CCDC180: variants seen among roughly 807,000 people sequenced by gnomAD.
CCDC180 encodes the protein coiled-coil domain containing 180.
CCDC180 carries 154 observed loss-of-function variants against 209.2 expected under a neutral mutation model. The ratio of observed to expected loss-of-function variants is 0.74; its 90% confidence interval spans 0.65 to 0.84. The LOEUF is 0.84. Ranked by LOEUF, CCDC180 falls within the 40% of genes least tolerant of loss-of-function variation. The pLI, the probability that CCDC180 is intolerant of heterozygous loss-of-function variation, is 0.00. For synonymous variants in CCDC180, 778 were observed against 749.1 expected (o/e 1.04, Z -0.63); for missense variants, 1,874 against 1,997.3 (o/e 0.94, Z 1.18).
At chr9:97,353,786 A>T (rs1468719804) in intron 22 of CCDC180, among the ~76,000 whole-genome samples, 1 of 152,102 alleles carries the variant, frequency 6.6e-6, no homozygotes, top group Non-Finnish European at 1.5e-5. Flanking sequence ...TTGCCCTTGG[A>T]TCTAGACAGG....
chr9:97,365,048 C>T (rs10759643), intron 29 of CCDC180: 45,062 of 151,932 alleles, frequency 0.3, 7,345 homozygotes, highest in African/African-American at 0.42. Flanking sequence ...AGACCCCAGG[C>T]GGTTCAGGGA....
intron 8 of CCDC180, among the ~76,000 whole-genome samples, chr9:97,316,667 A>G (rs564752968): frequency 9.8e-5 from 15 of 152,330 alleles, no homozygotes; most frequent in African/African-American, 2.6e-4. Context: ...CGGTTCTCCT[A>G]ACAACCATAT....
At chr9:97,321,137 G>GT in intron 11 of CCDC180, among the ~76,000 whole-genome samples, 1 of 152,272 alleles carries the variant, frequency 6.6e-6, no homozygotes, top group Admixed American at 6.5e-5. Context: ...GCTAATGTAT[G>GT]TTTTCTGAGC....
intron 18 of CCDC180, 88 bp from the exon 19 acceptor site, chr9:97,343,252 A>G (rs1203354973): frequency 2.3e-6 from 2 of 875,176 alleles, no homozygotes; most frequent in Non-Finnish European, 3.5e-6. Flanking sequence ...AATTTGGTTT[A>G]CAACCTCTGA....
chr9:97,361,065 A>G (rs1302575384), intron 26 of CCDC180, among the ~76,000 whole-genome samples: 1 of 152,184 alleles, frequency 6.6e-6, no homozygotes, highest in Non-Finnish European at 1.5e-5. Flanking sequence ...GCGTGAAGGT[A>G]TTGAGTGACT....
At chr9:97,322,280 A>G (rs951430747) in intron 11 of CCDC180, among the ~76,000 whole-genome samples, 4 of 152,118 alleles carry the variant, frequency 2.6e-5, no homozygotes, top group African/African-American at 7.2e-5. Context: ...CCAGCCCTGG[A>G]CAAAGAACAA....
chr9:97,350,479 C>T lies in CCDC180; in HGVS notation c.2926C>T (p.Arg976Cys), dbSNP rs1379819029. Residue 976 changes from arginine to cysteine, a missense_variant, in exon 22 of 37, where the codon CGC (arginine) becomes TGC (cysteine). Arg to Cys is a radical substitution (Grantham distance 180, BLOSUM62 -3). Transcript: ENST00000529487. ...SYVDVTQVSL[R>C]SFRQYLEESL... ...TGTTGATGTCACCCAGGTGTCCCTG[C>T]GCAGCTTCCGGCAGTACTTGGAGGA... The T allele has an allele frequency of 2.1e-5, 32 of 1,536,278 alleles. No individual in the cohort carries two copies. The highest frequency in any genetic ancestry group is 2.5e-5 in the Non-Finnish European group (29 of 1,147,020).
intron 19 of CCDC180, among the ~76,000 whole-genome samples, chr9:97,347,067 T>C (rs1417287124): frequency 2.0e-5 from 3 of 152,234 alleles, no homozygotes; most frequent in African/African-American, 7.2e-5. Context: ...ATTTTAACCT[T>C]TGATTCAGCA....
Position 97,366,184 on chromosome 9 carries a change from T to TCAGGG in CCDC180, c.4048-369_4048-365dup, listed in dbSNP as rs1826914295. Reference sequence around the variant, plus strand: ...CCTCCCACGGGTCTGTCTGCCTCCTTCAGGGCAGGGTCCCTGGCTCGCCCG... The same window carrying TCAGGG: ...CCTCCCACGGGTCTGTCTGCCTCCTTCAGGGCAGGGCAGGGTCCCTGGCTCGCCCG... On this transcript the variant is annotated intron_variant, in intron 30 of 36. Transcript: ENST00000529487. The surrounding 1 kb of genome is among the most constrained non-coding windows in gnomAD (Gnocchi z 4.3). Among the ~76,000 whole-genome samples, 1 of 152,236 alleles carries TCAGGG rather than the reference T, an allele frequency of 6.6e-6. No individual in the cohort carries two copies. The highest frequency in any genetic ancestry group is 2.4e-5 in the African/African-American group (1 of 41,478).
rs748977941 is a variant in CCDC180, at chr9:97,354,589, AC to A, written c.3024del (p.Ser1010LeufsTer19). ...TTCAGATTGTTTTCAGAGGGAGGCA[AC>A]TTTTCTCCTAAAGAAATCAATTCAC... ...KHCRLFSEGG[N>X]FSPKEINSLC... On this transcript the variant is annotated frameshift_variant, in exon 23 of 37. Transcript: ENST00000529487. LOFTEE classifies it high-confidence loss of function. The A allele has an allele frequency of 6.2e-7, 1 of 1,614,220 alleles. No homozygotes were observed. Among genetic ancestry groups the A allele is most frequent in the South Asian group, 1.1e-5 (1 of 91,084 alleles).
At chr9:97,327,119 A>C (rs1833557198) in intron 15 of CCDC180, among the ~76,000 whole-genome samples, 1 of 152,120 alleles carries the variant, frequency 6.6e-6, no homozygotes, top group South Asian at 2.1e-4. Context: ...CAGTGAGAGG[A>C]GATCATGCCA....
Position 97,364,140 on chromosome 9 carries a change from C to T in CCDC180, c.3980+12C>T, listed in dbSNP as rs552924124. ...CCCCCTGCTGCCGAGTGAGTAACAA[C>T]GCCTTTCCTTTTGACTGCATTTAAC... is the stretch of plus-strand genomic sequence containing the variant. On this transcript the variant is annotated intron_variant, in intron 29 of 36. Transcript: ENST00000529487. 1.9e-5 allele frequency: 31 copies of T among 1,613,398 alleles called. No homozygotes were observed. The highest frequency in any genetic ancestry group is 3.3e-5 in the Admixed American group (2 of 59,990).
chr9:97,362,809 A>G (rs912488469), intron 28 of CCDC180, among the ~76,000 whole-genome samples: 2 of 152,218 alleles, frequency 1.3e-5, no homozygotes, highest in Admixed American at 6.5e-5. Context: ...TGGAAGGTGC[A>G]TATCAGAAGC....
intron 24 of CCDC180, 62 bp from the exon 25 acceptor site, chr9:97,357,565 A>C: frequency 1.8e-6 from 2 of 1,109,018 alleles, no homozygotes; most frequent in South Asian, 2.7e-5. Flanking sequence ...TGTTTCACAG[A>C]ATGTTTCCCA....
chr9:97,328,190 T>C, intron 16 of CCDC180, 44 bp downstream of exon 16: 2 of 1,598,750 alleles, frequency 1.3e-6, no homozygotes, highest in Non-Finnish European at 1.7e-6. Flanking sequence ...ATGAAGAAGC[T>C]AAGGGAGAGG....
At chr9:97,339,275 A>T (rs964870936) in intron 18 of CCDC180, among the ~76,000 whole-genome samples, 3 of 152,160 alleles carry the variant, frequency 2.0e-5, no homozygotes, top group African/African-American at 7.2e-5. Context: ...ACAATTTGGC[A>T]TGTTTTTGCA....
intron 35 of CCDC180, 44 bp from the exon 36 acceptor site, chr9:97,375,410 G>A: frequency 6.2e-7 from 1 of 1,611,584 alleles, no homozygotes; most frequent in Non-Finnish European, 8.5e-7. Context: ...GATTATGAAA[G>A]ATGAAGACAA....
At chr9:97,356,156 G>A (rs1297792834) in intron 24 of CCDC180, among the ~76,000 whole-genome samples, 6 of 152,168 alleles carry the variant, frequency 3.9e-5, no homozygotes, top group African/African-American at 1.4e-4. Context: ...AGTGGAAGTG[G>A]GATGGGAGGG....
rs1239019657 is a variant in CCDC180, at chr9:97,377,117, G to A, written c.*223G>A. 1.6e-5 allele frequency: 6 copies of A among 375,358 alleles called. No homozygotes were observed. In the Admixed American group the frequency reaches 1.7e-4, roughly 11 times the overall value. 23.3% of individuals were successfully genotyped at this position (375,358 alleles called of 1,614,324 possible). On this transcript the variant is annotated 3_prime_UTR_variant, in exon 37 of 37. Coordinates refer to ENST00000529487, the MANE Select transcript of CCDC180 (RefSeq NM_020893.6). ...AAGCATGAAAGGGGAATTCCACGTGGTTAGCAGGGAGGGTGAGTACCAGGA... is the reference window on the plus strand; with the variant it reads ...AAGCATGAAAGGGGAATTCCACGTGATTAGCAGGGAGGGTGAGTACCAGGA...
Sources: allele counts gnomAD v4.1 joint callset (sites outside exome capture counted in the v4.1 genomes callset), GRCh38; gene constraint gnomAD v4.1.1; non-coding constraint Gnocchi (gnomAD v3.1); transcripts MANE v1.5; gene names NCBI Gene and HGNC (gene_info 2026-07-23, HGNC 2026-07-21).